Variants in CATSPERD observed in about 807,000 individuals in gnomAD.
CATSPERD encodes the protein cation channel sperm-associated auxiliary subunit delta.
Under a neutral mutation model 98.1 loss-of-function variants are expected in CATSPERD, and 86 were observed. The ratio of observed to expected loss-of-function variants is 0.88; its 90% CI spans 0.74 to 1.05. CATSPERD has a LOEUF of 1.05. Among genes scored for constraint, CATSPERD ranks in the 50% least tolerant of loss-of-function variants. The pLI, the probability that CATSPERD is intolerant of heterozygous loss-of-function variation, is 0.00. For missense variants in CATSPERD, 995 were observed against 1,005.7 expected (o/e 0.99, Z 0.14); for synonymous variants, 394 against 390.2 (o/e 1.01, Z -0.12).
intron 3 of CATSPERD, among the ~76,000 whole-genome samples, chr19:5,728,042 A>AC (rs2145684089): frequency 4.0e-5 from 6 of 148,958 alleles, no homozygotes; most frequent in Non-Finnish European, 7.4e-5. Flanking sequence ...TATCTACAAA[A>AC]AAAAAAAAAA....
intron 16 of CATSPERD, 100 bp downstream of exon 16, chr19:5,763,393 C>T (rs2056480212): frequency 1.2e-6 from 1 of 862,366 alleles, no homozygotes; most frequent in Admixed American, 2.0e-5. Context: ...AGTGCCACTG[C>T]ACTCCAACCT....
intron 18 of CATSPERD, among the ~76,000 whole-genome samples, chr19:5,770,297 G>A (rs2056621345): frequency 6.6e-6 from 1 of 151,150 alleles, no homozygotes; most frequent in South Asian, 2.1e-4. Flanking sequence ...GGGCGTGGTG[G>A]TGGGCACTTG....
At chr19:5,742,099 CAATT>C (rs990962357) in intron 7 of CATSPERD, among the ~76,000 whole-genome samples, 1 of 151,826 alleles carries the variant, frequency 6.6e-6, no homozygotes, top group Non-Finnish European at 1.5e-5. Context: ...CTAAAATTCC[CAATT>C]ATTACTAAAA....
At chr19:5,738,352 C>CAAAAAAAAAAAA (rs767298084) in intron 6 of CATSPERD, among the ~76,000 whole-genome samples, 2 of 104,932 alleles carry the variant, frequency 1.9e-5, no homozygotes, top group Non-Finnish European at 4.0e-5. Flanking sequence ...ACTCAAAATA[C>CAAAAAAAAAAAA]AAAAAAAAAA....
At chr19:5,774,676 G>A (rs1486637019) in intron 20 of CATSPERD, among the ~76,000 whole-genome samples, 2 of 150,858 alleles carry the variant, frequency 1.3e-5, no homozygotes, top group Non-Finnish European at 3.0e-5. Flanking sequence ...GCAACAGAGC[G>A]AGGCTGTTTC....
At chr19:5,730,051 T>C in intron 4 of CATSPERD, 107 bp downstream of exon 4, 1 of 681,678 alleles carries the variant, frequency 1.5e-6, no homozygotes, top group Non-Finnish European at 2.5e-6. Flanking sequence ...TTTAGAGGTT[T>C]ATTTTACAAT....
chr19:5,728,272 C>G (rs1453512506), intron 3 of CATSPERD, among the ~76,000 whole-genome samples: 1 of 148,022 alleles, frequency 6.8e-6, no homozygotes, highest in East Asian at 2.0e-4. Flanking sequence ...GCAGGAGAAT[C>G]ACTTGAACCC....
chr19:5,757,870 G>T lies in CATSPERD; in HGVS notation c.1306G>T (p.Gly436Trp). ...LVMVSNPHSL[G>W]FQATFYENGY... ...GATGGTGAGCAACCCCCACTCCCTG[G>T]GGTTCCAGGCCACCTTCTACGAGAA... Residue 436 changes from glycine to tryptophan, a missense_variant, in exon 14 of 22, where the codon GGG becomes TGG. Around this residue, in one of 3 missense-constraint regions of CATSPERD, gnomAD observed 762 missense variants for 773.7 expected, o/e 0.98. Transcript: ENST00000381624. 2.5e-6 allele frequency: 4 copies of T among 1,613,122 alleles called. No individual in the cohort carries two copies. Among genetic ancestry groups the T allele is most frequent in the Non-Finnish European group, 3.4e-6 (4 of 1,179,736 alleles).
At chr19:5,728,370 A>G (rs1157355315) in intron 3 of CATSPERD, among the ~76,000 whole-genome samples, 10 of 147,776 alleles carry the variant, frequency 6.8e-5, no homozygotes, top group Admixed American at 3.4e-4. Context: ...AAAAAAAAAA[A>G]AAAAGAAAAA....
intron 5 of CATSPERD, 86 bp from the exon 6 acceptor site, chr19:5,737,050 CTG>C (rs1387289579): frequency 2.5e-6 from 2 of 788,308 alleles, no homozygotes; most frequent in Non-Finnish European, 4.2e-6. Context: ...GAGCAAGACT[CTG>C]TCTCAAAAAC....
At position 5,751,694 on chromosome 19, in the gene CATSPERD, G is replaced by C; in HGVS notation, c.1035G>C (p.Arg345Ser). 6.2e-7 allele frequency: 1 copy of C among 1,612,826 alleles called. No homozygotes were observed. Among genetic ancestry groups the C allele is most frequent in the Non-Finnish European group, 8.5e-7 (1 of 1,179,308 alleles). Residue 345 changes from arginine to serine, a missense_variant, in exon 12 of 22, where the codon AGG becomes AGC. By Grantham distance (110) the Arg-to-Ser change is moderately radical (BLOSUM62 -1). Around this residue, in one of 3 missense-constraint regions of CATSPERD, gnomAD observed 762 missense variants for 773.7 expected, o/e 0.98. Transcript: ENST00000381624. ...CAGAAGACGTGGCCCTGATGTTCAGGAGCCCAGGGACTCTGGAAATACTGA... is the reference window on the plus strand; with the variant it reads ...CAGAAGACGTGGCCCTGATGTTCAGCAGCCCAGGGACTCTGGAAATACTGA... ...IWSEDVALMF[R>S]SPGTLEILTP...
chr19:5,759,572 A>C lies in CATSPERD; in HGVS notation c.1427+428A>C, dbSNP rs1005653468. On this transcript the variant is annotated intron_variant, in intron 15 of 21. Transcript: ENST00000381624. Reference sequence around the variant, plus strand: ...AAACATGAAACTCCAGCTCCAAAAAAAAAAAAAAAAAAAGCAAAAATAAGC... The same window carrying C: ...AAACATGAAACTCCAGCTCCAAAAACAAAAAAAAAAAAAGCAAAAATAAGC... Among the ~76,000 whole-genome samples, 222 of 150,944 alleles carry C rather than the reference A, an allele frequency of 1.5e-3. 1 individual carries two copies. The highest frequency in any genetic ancestry group is 2.1e-3 in the Non-Finnish European group (143 of 67,690).
In CATSPERD at chr19:5,748,216, A is replaced by C. The variant is rs1207514869; in HGVS notation, c.865A>C (p.Ile289Leu). 6.2e-7 allele frequency: 1 copy of C among 1,614,064 alleles called. No homozygotes were observed. ...AGGAGACCAGACCTTGTTTTCTTCC[A>C]TTTTTGAAGCCAAGATCACCATCCA... The part of the protein sequence containing the change: ...KKGDQTLFSS[I>L]FEAKITIHNI... The change falls in exon 10 of 22, where the codon ATT becomes CTT. Residue 289 changes from isoleucine to leucine, a missense_variant. Around this residue, in one of 3 missense-constraint regions of CATSPERD, gnomAD observed 762 missense variants for 773.7 expected, o/e 0.98. Coordinates refer to ENST00000381624, the MANE Select transcript of CATSPERD (RefSeq NM_152784.4).
intron 7 of CATSPERD, among the ~76,000 whole-genome samples, chr19:5,741,088 A>G (rs1008766806): frequency 8.7e-5 from 13 of 148,720 alleles, no homozygotes; most frequent in Non-Finnish European, 1.8e-4. Flanking sequence ...CTGTCTTAAA[A>G]AAAAGAAAAG....
At chr19:5,765,465 C>T (rs1217038951) in intron 16 of CATSPERD, among the ~76,000 whole-genome samples, 5 of 151,652 alleles carry the variant, frequency 3.3e-5, no homozygotes, top group African/African-American at 9.7e-5. Context: ...TACATGCATG[C>T]GTGCATTTTT....
At chr19:5,765,153 A>G (rs2056513535) in intron 16 of CATSPERD, among the ~76,000 whole-genome samples, 2 of 150,522 alleles carry the variant, frequency 1.3e-5, no homozygotes, top group South Asian at 4.2e-4. Flanking sequence ...AAGCAATCCT[A>G]CTGGCTCAGC....
At chr19:5,759,733 C>T (rs1599571576) in intron 15 of CATSPERD, among the ~76,000 whole-genome samples, 1 of 151,880 alleles carries the variant, frequency 6.6e-6, no homozygotes, top group African/African-American at 2.4e-5. Context: ...AAAGGATGAA[C>T]ACAGCGTGGT....
At chr19:5,754,294 C>A in intron 13 of CATSPERD, 49 bp downstream of exon 13, 1 of 1,301,456 alleles carries the variant, frequency 7.7e-7, no homozygotes, top group Non-Finnish European at 1.1e-6. Context: ...AGCCACATGC[C>A]TGGTGCCCAC....
At chr19:5,725,936 T>C (rs2055596290) in intron 2 of CATSPERD, among the ~76,000 whole-genome samples, 1 of 152,128 alleles carries the variant, frequency 6.6e-6, no homozygotes, top group African/African-American at 2.4e-5. Flanking sequence ...TGAAACAATC[T>C]TCAAGTGACT....
Sources: gnomAD v4.1 joint callset for allele counts (sites outside exome capture counted in the v4.1 genomes callset) on GRCh38, gnomAD v4.1.1 for gene constraint, gnomAD v4.1.1 regional missense constraint, MANE v1.5 for transcripts, NCBI Gene and HGNC (gene_info 2026-07-23, HGNC 2026-07-21) for gene names.